FMNL2: variants seen among roughly 807,000 people sequenced by gnomAD.
The protein encoded by FMNL2 is formin like 2.
In FMNL2, 51 loss-of-function variants were observed where a neutral mutation model predicts 130.2. The observed-to-expected ratio is 0.39, with a 90% CI of 0.31 to 0.49. The LOEUF (loss-of-function observed/expected upper bound fraction) is 0.49, where lower values mean the gene tolerates loss of function less well. Among genes scored for constraint, FMNL2 ranks in the 20% least tolerant of loss-of-function variants. The probability of loss-of-function intolerance (pLI) is 0.85; values close to 1 mark genes in which losing one functional copy is unlikely to be tolerated. For missense variants in FMNL2, 977 were observed against 1,316.2 expected (o/e 0.74, Z 3.99); for synonymous variants, 465 against 467.1 (o/e 1.00, Z 0.06).
In FMNL2 at chr2:152,353,900, C is replaced by T. The variant is rs1234652442; in HGVS notation, c.117+18180C>T. 5.4e-4 allele frequency among the ~76,000 whole-genome samples: 3 copies of T among 5,544 alleles called. No individual in the cohort carries two copies. In the Non-Finnish European group the frequency reaches 0.037, roughly 68 times the overall value. 3.6% of individuals were successfully genotyped at this position (5,544 alleles called of 152,430 possible). A position where few individuals can be genotyped will look rare whatever the true frequency, so the allele number is the denominator to read the frequency against. On this transcript the variant is annotated intron_variant, in intron 1 of 25. Transcript: ENST00000288670. ...CCTCAAATGTGAAGAACAAGTGAAG[C>T]AGGGCCCCCAGAACGCCCAGAATTG... is the stretch of plus-strand genomic sequence containing the variant.
chr2:152,339,919 C>T (rs1681702322), intron 1 of FMNL2, among the ~76,000 whole-genome samples: 1 of 151,946 alleles, frequency 6.6e-6, no homozygotes, highest in Non-Finnish European at 1.5e-5. Context: ...AGTGGCTCAC[C>T]CCTATAATCC....
chr2:152,534,564 C>CTTTTTTTTTTTTTTTTTTTTTTTTTTT (rs10719527), intron 2 of FMNL2, among the ~76,000 whole-genome samples: 3 of 131,564 alleles, frequency 2.3e-5, no homozygotes, highest in South Asian at 2.5e-4. Flanking sequence ...CTTATTTTGT[C>CTTTTTTTTTTTTTTTTTTTTTTTTTTT]TTTTTTTTTT....
Position 152,575,257 on chromosome 2 carries a change from T to C in FMNL2, c.705+13T>C. 1.3e-6 allele frequency: 2 copies of C among 1,530,074 alleles called. No individual in the cohort carries two copies. Among genetic ancestry groups the C allele is most frequent in the East Asian group, 4.6e-5 (2 of 43,454 alleles). The allele number at this position is 1,530,074 out of a possible 1,614,324, so 94.8% of individuals were successfully genotyped here. A position where few individuals can be genotyped will look rare whatever the true frequency, so the allele number is the denominator to read the frequency against. On this transcript the variant is annotated intron_variant, in intron 7 of 25. Transcript: ENST00000288670. ...CATGAATTATCAGGTATGTTGGAGC[T>C]TCTGGTTCTTTTAAAAAAAACCTGA...
At chr2:152,638,158 A>G (rs1682778790) in intron 23 of FMNL2, among the ~76,000 whole-genome samples, 1 of 152,158 alleles carries the variant, frequency 6.6e-6, no homozygotes, top group Non-Finnish European at 1.5e-5. Flanking sequence ...GCTTTTAAGG[A>G]TGGGCACTCT....
intron 1 of FMNL2, among the ~76,000 whole-genome samples, chr2:152,357,588 A>C (rs1293779729): frequency 1.5e-3 from 166 of 111,832 alleles, no homozygotes; most frequent in Non-Finnish European, 2.0e-3. Flanking sequence ...TTTAATGTAT[A>C]ACGATAAATA....
intron 1 of FMNL2, among the ~76,000 whole-genome samples, chr2:152,414,499 A>G (rs1686496276): frequency 6.6e-6 from 1 of 152,184 alleles, no homozygotes; most frequent in African/African-American, 2.4e-5. Context: ...TGAGCTCCCT[A>G]GAATAAAGAT....
At chr2:152,517,179 G>GA (rs72358755) in intron 1 of FMNL2, among the ~76,000 whole-genome samples, 52,445 of 151,770 alleles carry the variant, frequency 0.35, 9,232 homozygotes, top group East Asian at 0.54. Flanking sequence ...TTTCCCCCGT[G>GA]AGTTTTTTTT....
chr2:152,607,461 TTTTCTAAA>T (rs1489104269), intron 10 of FMNL2, 48 bp downstream of exon 10: 2 of 1,282,770 alleles, frequency 1.6e-6, no homozygotes, highest in South Asian at 2.5e-5. Context: ...TCAATACTTT[TTTTCTAAA>T]TACACACACA....
chr2:152,445,013 G>A (rs187202142), intron 1 of FMNL2, among the ~76,000 whole-genome samples: 36 of 152,340 alleles, frequency 2.4e-4, no homozygotes, highest in African/African-American at 8.2e-4. Flanking sequence ...GAGGTATCTT[G>A]CTGTTGGCAC....
At chr2:152,635,404 C>T (rs187486786) in intron 21 of FMNL2, among the ~76,000 whole-genome samples, 4 of 152,280 alleles carry the variant, frequency 2.6e-5, no homozygotes, top group East Asian at 1.9e-4. Flanking sequence ...CTTTACAACC[C>T]GTTTTGAACT....
chr2:152,359,234 A>G (rs777760128), intron 1 of FMNL2, among the ~76,000 whole-genome samples: 2 of 152,244 alleles, frequency 1.3e-5, no homozygotes, highest in Non-Finnish European at 2.9e-5. Context: ...ATATTTATAG[A>G]GTCTTTTTTT....
intron 1 of FMNL2, among the ~76,000 whole-genome samples, chr2:152,376,552 G>A (rs1684188967): frequency 6.6e-6 from 1 of 152,220 alleles, no homozygotes; most frequent in African/African-American, 2.4e-5. Flanking sequence ...TCTCAGGAAT[G>A]TGAGAGTTGA....
At chr2:152,408,483 CTG>C (rs1258449108) in intron 1 of FMNL2, among the ~76,000 whole-genome samples, 3 of 152,130 alleles carry the variant, frequency 2.0e-5, no homozygotes, top group African/African-American at 7.2e-5. Flanking sequence ...TCCCTCTTGT[CTG>C]TTTTTCCCAA....
chr2:152,631,866 C>CTG, intron 20 of FMNL2, 142 bp from the exon 21 acceptor site: 1 of 890,602 alleles, frequency 1.1e-6, no homozygotes, highest in Non-Finnish European at 1.6e-6. Flanking sequence ...AAATGGAATC[C>CTG]TGACCCTCCT....
chr2:152,502,090 GTTC>G (rs1214109097), intron 1 of FMNL2, among the ~76,000 whole-genome samples: 3 of 151,630 alleles, frequency 2.0e-5, no homozygotes, highest in African/African-American at 7.2e-5. Flanking sequence ...TATAGGGTAA[GTTC>G]TTCTTGTGGA....
chr2:152,401,354 C>T (rs1205744648), intron 1 of FMNL2, among the ~76,000 whole-genome samples: 2 of 152,184 alleles, frequency 1.3e-5, no homozygotes, highest in East Asian at 3.8e-4. Flanking sequence ...ACATCTCACC[C>T]CTCCAAATGA....
In FMNL2 at chr2:152,578,985, G is replaced by A. The variant is rs80057561; in HGVS notation, c.782+21G>A. On this transcript the variant is annotated intron_variant, in intron 8 of 25. Transcript: ENST00000288670. ...CCCAGGTAAGCTGCTTTTGTAGTACGCAAGTCTAAATCTATCTAGAGAAAA... is the reference window on the plus strand; with the variant it reads ...CCCAGGTAAGCTGCTTTTGTAGTACACAAGTCTAAATCTATCTAGAGAAAA... The A allele has an allele frequency of 0.015, 24,627 of 1,598,244 alleles. 1,199 individuals are homozygous for A. In the East Asian group the frequency reaches 0.19, roughly 13 times the overall value.
chr2:152,597,180 A>C (rs527657134), intron 9 of FMNL2, among the ~76,000 whole-genome samples: 1 of 151,930 alleles, frequency 6.6e-6, no homozygotes, highest in Non-Finnish European at 1.5e-5. Context: ...TACAGTTTTC[A>C]TGTGTTTGCT....
Position 152,611,586 on chromosome 2 carries a change from G to T in FMNL2, c.1043G>T (p.Gly348Val). The change falls in exon 11 of 26, where the codon GGC becomes GTC. Residue 348 changes from glycine to valine, a missense_variant. By Grantham distance (109) the Gly-to-Val change is moderately radical. This residue lies in a region of FMNL2 where 689 missense variants were observed against 995.9 expected (regional missense o/e 0.69). Coordinates refer to ENST00000288670, the MANE Select transcript of FMNL2 (RefSeq NM_052905.4). ...VHLQYEFTKL[G>V]LDEYLDKLKH... ...CTGCAGTATGAATTTACCAAATTAGGCCTGGACGAATACTTGGACGTGAGT... is the reference window on the plus strand; with the variant it reads ...CTGCAGTATGAATTTACCAAATTAGTCCTGGACGAATACTTGGACGTGAGT... 1 of 1,599,740 alleles carries T rather than the reference G, an allele frequency of 6.3e-7. No homozygotes were observed. Among genetic ancestry groups the T allele is most frequent in the Non-Finnish European group, 8.5e-7 (1 of 1,170,926 alleles).
Sources: gnomAD v4.1 joint callset for allele counts (sites outside exome capture counted in the v4.1 genomes callset) on GRCh38, gnomAD v4.1.1 for gene constraint, gnomAD v4.1.1 regional missense constraint, MANE v1.5 for transcripts, NCBI Gene and HGNC (gene_info 2026-07-23, HGNC 2026-07-21) for gene names.